The following AUTS2 variants were observed in gnomAD, a reference collection of about 807,000 sequenced individuals.
AUTS2 encodes the protein autism susceptibility gene 2 protein.
AUTS2 carries 17 observed loss-of-function variants against 112.4 expected under a neutral mutation model. The ratio of observed to expected loss-of-function variants is 0.15; its 90% CI spans 0.10 to 0.23. AUTS2 has a LOEUF of 0.23. Among genes scored for constraint, AUTS2 ranks in the 10% least tolerant of loss-of-function variants. AUTS2 has a pLI of 1.00. For synonymous variants in AUTS2, 751 were observed against 702.7 expected, an observed-to-expected ratio of 1.07 and a Z score of -1.09; for missense variants, 1,510 against 1,701.6, an observed-to-expected ratio of 0.89 and a Z score of 1.98.
chr7:70,577,892 G>A lies in AUTS2; in HGVS notation c.691-120677G>A, dbSNP rs189539375. 6.4e-3 allele frequency among the ~76,000 whole-genome samples: 973 copies of A among 151,362 alleles called. 36 individuals are homozygous for A. Among genetic ancestry groups the A allele is most frequent in the Admixed American group, 0.049 (751 of 15,218 alleles). On this transcript the variant is annotated intron_variant, in intron 5 of 18. Coordinates refer to ENST00000342771, the MANE Select transcript of AUTS2 (RefSeq NM_015570.4). ...GTCGCCCAGGCTGGAGTGCAGTGGC[G>A]TGATCTCAGCTCACTGCAAGCTCCG...
chr7:70,576,289 A>T (rs1344957859), intron 5 of AUTS2, among the ~76,000 whole-genome samples: 1 of 152,072 alleles, frequency 6.6e-6, no homozygotes, highest in Non-Finnish European at 1.5e-5. Context: ...CTAAGAAGGA[A>T]AGGGGTCAAA....
intron 4 of AUTS2, among the ~76,000 whole-genome samples, chr7:70,175,234 G>A (rs1584832601): frequency 6.6e-6 from 1 of 152,172 alleles, no homozygotes; most frequent in African/African-American, 2.4e-5. Flanking sequence ...AAGAGAACTA[G>A]CATTAGAATT....
At chr7:69,995,348 C>T (rs1798901654) in intron 2 of AUTS2, among the ~76,000 whole-genome samples, 1 of 152,190 alleles carries the variant, frequency 6.6e-6, no homozygotes, top group East Asian at 1.9e-4. Flanking sequence ...TTCATTTACA[C>T]AGTAATTCAA....
At chr7:69,930,603 G>A (rs776602397) in intron 2 of AUTS2, among the ~76,000 whole-genome samples, 18 of 152,164 alleles carry the variant, frequency 1.2e-4, no homozygotes, top group Non-Finnish European at 2.5e-4. Flanking sequence ...GCAGGAGACT[G>A]TATCTAGTCA....
At chr7:70,190,551 T>C (rs1367321667) in intron 4 of AUTS2, among the ~76,000 whole-genome samples, 1 of 152,194 alleles carries the variant, frequency 6.6e-6, no homozygotes, top group Non-Finnish European at 1.5e-5. Flanking sequence ...TGAGCTGAGT[T>C]CTAGTTATCC....
At chr7:70,547,123 A>G (rs960654908) in intron 5 of AUTS2, among the ~76,000 whole-genome samples, 3 of 152,178 alleles carry the variant, frequency 2.0e-5, no homozygotes, top group Non-Finnish European at 4.4e-5. Flanking sequence ...TCATCATTCC[A>G]GTAAAATCCC....
intron 5 of AUTS2, among the ~76,000 whole-genome samples, chr7:70,446,576 C>T (rs1422714585): frequency 3.3e-5 from 5 of 152,176 alleles, no homozygotes; most frequent in African/African-American, 9.7e-5. Context: ...TAATGGTAGT[C>T]GTACATCATT....
intron 4 of AUTS2, among the ~76,000 whole-genome samples, chr7:70,135,020 T>C (rs1371720044): frequency 6.6e-6 from 1 of 152,194 alleles, no homozygotes; most frequent in African/African-American, 2.4e-5. Context: ...TGGTATTTTT[T>C]AATGAATGTT....
chr7:70,316,399 A>ATTT (rs398005114), intron 4 of AUTS2, among the ~76,000 whole-genome samples: 62 of 92,742 alleles, frequency 6.7e-4, no homozygotes, highest in African/African-American at 1.6e-3. Context: ...CCAGGTCTCT[A>ATTT]TTTTTTTTTT....
intron 1 of AUTS2, among the ~76,000 whole-genome samples, chr7:69,746,004 G>A (rs186939142): frequency 6.6e-6 from 1 of 151,992 alleles, no homozygotes; most frequent in African/African-American, 2.4e-5. Context: ...TTCTTGAGTG[G>A]CTGAAACTAC....
At chr7:69,677,040 G>A (rs1189992000) in intron 1 of AUTS2, among the ~76,000 whole-genome samples, 1 of 152,122 alleles carries the variant, frequency 6.6e-6, no homozygotes, top group East Asian at 1.9e-4. Context: ...AATTTCTGAA[G>A]AGAGATAGAA....
rs369919917 is a variant in AUTS2 at position 70,764,985 on chromosome 7, C to T, written c.1448C>T (p.Pro483Leu). The T allele has an allele frequency of 2.5e-5, 41 of 1,613,776 alleles. No homozygotes were observed. The highest frequency in any genetic ancestry group is 3.3e-5 in the Non-Finnish European group (39 of 1,180,022). The change falls in exon 8 of 19, where the codon CCG becomes CTG. Residue 483 changes from proline to leucine, a missense_variant. Pro to Leu is a moderately conservative substitution (Grantham distance 98). Around this residue, in one of 3 missense-constraint regions of AUTS2, gnomAD observed 187 missense variants for 309.7 expected, o/e 0.60. Transcript: ENST00000342771. ...GGAAGTCTGCAGGTGGCCGGACACC[C>T]GGCCGGGAGCACTTACTCAGGTAGG... ...TSGSLQVAGH[P>L]AGSTYSEQDI...
At chr7:70,560,791 T>C (rs1436006845) in intron 5 of AUTS2, among the ~76,000 whole-genome samples, 3 of 152,214 alleles carry the variant, frequency 2.0e-5, no homozygotes, top group Admixed American at 6.5e-5. Flanking sequence ...TCTAATTTTG[T>C]CCTCTGATTG....
At chr7:70,242,735 G>C (rs1432275108) in intron 4 of AUTS2, among the ~76,000 whole-genome samples, 1 of 152,040 alleles carries the variant, frequency 6.6e-6, no homozygotes, top group African/African-American at 2.4e-5. Flanking sequence ...GTGTGTGCAC[G>C]TGCGCACATG....
intron 1 of AUTS2, among the ~76,000 whole-genome samples, chr7:69,884,556 T>C (rs964820251): frequency 2.6e-5 from 4 of 152,226 alleles, no homozygotes; most frequent in African/African-American, 9.6e-5. Context: ...TAATAAACTT[T>C]GCCATTAACC....
At chr7:70,149,685 A>C (rs563602685) in intron 4 of AUTS2, among the ~76,000 whole-genome samples, 294 of 152,188 alleles carry the variant, frequency 1.9e-3, no homozygotes, top group African/African-American at 6.9e-3. Context: ...ATGAAATTTT[A>C]AATTATGATT....
chr7:70,783,786 G>A (rs1585686698), intron 15 of AUTS2: 1 of 152,142 alleles, frequency 6.6e-6, no homozygotes. Flanking sequence ...AGATGACCCT[G>A]GCAAATCTCT....
chr7:70,674,157 T>G (rs1370312563), intron 5 of AUTS2, among the ~76,000 whole-genome samples: 2 of 151,986 alleles, frequency 1.3e-5, no homozygotes, highest in Admixed American at 6.5e-5. Context: ...GGATGTGCTG[T>G]GTGCTAAAGG....
intron 6 of AUTS2, among the ~76,000 whole-genome samples, chr7:70,711,765 G>T (rs7796173): frequency 0.15 from 23,344 of 152,170 alleles, 1,875 homozygotes; most frequent in East Asian, 0.25. Flanking sequence ...ATCCTAGAAG[G>T]GGGAGGGCGG....
Sources: allele counts gnomAD v4.1 joint callset (sites outside exome capture counted in the v4.1 genomes callset), GRCh38; gene constraint gnomAD v4.1.1; regional missense constraint gnomAD v4.1.1; transcripts MANE v1.5; gene names NCBI Gene and HGNC (gene_info 2026-07-23, HGNC 2026-07-21).